The following RUNX1 variants were observed in gnomAD, a reference collection of about 807,000 sequenced individuals.
RUNX1 encodes runt-related transcription factor 1.
A neutral mutation model predicts 42.8 loss-of-function variants in RUNX1; 19 were observed. That is an observed-to-expected ratio of 0.44 (90% confidence interval 0.31 to 0.65). The LOEUF (loss-of-function observed/expected upper bound fraction) is 0.65, where lower values mean the gene tolerates loss of function less well. Ranked by LOEUF, RUNX1 falls within the 30% of genes least tolerant of loss-of-function variation. The pLI is 0.07. For missense variants in RUNX1, 528 were observed against 672.0 expected (o/e 0.79, Z 2.37); for synonymous variants, 271 against 289.4 (o/e 0.94, Z 0.64).
intron 2 of RUNX1, among the ~76,000 whole-genome samples, chr21:34,975,147 G>A (rs994372980): frequency 6.6e-6 from 1 of 152,248 alleles, no homozygotes; most frequent in African/African-American, 2.4e-5. Flanking sequence ...CAGCTAGTAA[G>A]TGGTGGAGGA....
chr21:34,952,977 T>C (rs1178505991), intron 2 of RUNX1, among the ~76,000 whole-genome samples: 1 of 152,230 alleles, frequency 6.6e-6, no homozygotes, highest in Non-Finnish European at 1.5e-5. Flanking sequence ...GTGGCCTTCC[T>C]GCCATCACCC....
chr21:34,848,623 C>T (rs62211772), intron 6 of RUNX1, among the ~76,000 whole-genome samples: 6 of 152,070 alleles, frequency 3.9e-5, no homozygotes, highest in African/African-American at 1.2e-4. Context: ...TTAGTAGAGA[C>T]GGGGTTTCAC....
chr21:34,874,366 T>C (rs2057782973), intron 5 of RUNX1, among the ~76,000 whole-genome samples: 1 of 150,864 alleles, frequency 6.6e-6, no homozygotes, highest in Non-Finnish European at 1.5e-5. Flanking sequence ...TCCCAGCACT[T>C]TGGGAGGCCA....
At position 34,867,821 on chromosome 21, in the gene RUNX1, G is replaced by A. The variant is rs1012661133; in HGVS notation, c.509-8243C>T. On this transcript the variant is annotated intron_variant, in intron 5 of 8. Coordinates refer to ENST00000675419, the MANE Select transcript of RUNX1 (RefSeq NM_001754.5). ...CCCCCTGGAGACCAAGGCCACACCT[G>A]CTGCCCTGTGCTTCCCCCAAGGACA... Among the ~76,000 whole-genome samples, 10 of 152,116 alleles carry A rather than the reference G, an allele frequency of 6.6e-5. No individual in the cohort carries two copies. In the South Asian group the frequency reaches 2.1e-3, roughly 32 times the overall value.
At chr21:34,874,172 G>A (rs556533232) in intron 5 of RUNX1, among the ~76,000 whole-genome samples, 10 of 148,592 alleles carry the variant, frequency 6.7e-5, no homozygotes, top group South Asian at 4.4e-4. Flanking sequence ...ACACACACAC[G>A]CACACACACT....
At chr21:35,015,822 A>T (rs1275576852) in intron 2 of RUNX1, among the ~76,000 whole-genome samples, 2 of 152,234 alleles carry the variant, frequency 1.3e-5, no homozygotes, top group African/African-American at 4.8e-5. Flanking sequence ...TGAGATTCAG[A>T]GAGGTGGACA....
Position 34,859,619 on chromosome 21 carries a change from T to G in RUNX1, c.509-41A>C, listed in dbSNP as rs760140076. ...AGAGAACAAAACAGAATGAGGTTGG[T>G]GGCCTGAACATATCTGTTGAATAAC... is the stretch of plus-strand genomic sequence containing the variant. On this transcript the variant is annotated intron_variant, in intron 5 of 8. Transcript: ENST00000675419. 3.5e-6 allele frequency: 5 copies of G among 1,448,082 alleles called. No individual in the cohort carries two copies. In the South Asian group the frequency reaches 5.7e-5, roughly 16 times the overall value. 89.7% of individuals were successfully genotyped at this position (1,448,082 alleles called of 1,614,324 possible).
At chr21:34,982,945 AC>A (rs372329220) in intron 2 of RUNX1, among the ~76,000 whole-genome samples, 470 of 152,364 alleles carry the variant, frequency 3.1e-3, no homozygotes, top group Non-Finnish European at 5.2e-3. Flanking sequence ...AGGTGGTAGA[AC>A]CAAGATTTGA....
Position 34,892,671 on chromosome 21 carries a change from G to C in RUNX1, c.97+254C>G, listed in dbSNP as rs150929457. On this transcript the variant is annotated intron_variant, in intron 3 of 8. Coordinates refer to ENST00000675419, the MANE Select transcript of RUNX1 (RefSeq NM_001754.5). ...GAGAGTTGTATAGAGGCATTTAATA[G>C]CATCAGAATGCACCTATGGTAAACG... Among the ~76,000 whole-genome samples the C allele has an allele frequency of 4.0e-3, 606 of 152,260 alleles. 2 individuals carry two copies. The highest frequency in any genetic ancestry group is 0.012 in the African/African-American group (515 of 41,534).
At chr21:34,877,204 T>TA (rs1277050670) in intron 5 of RUNX1, among the ~76,000 whole-genome samples, 5 of 152,206 alleles carry the variant, frequency 3.3e-5, no homozygotes, top group Non-Finnish European at 7.3e-5. Context: ...GAAGCCATGA[T>TA]ACACTTTCTT....
intron 2 of RUNX1, among the ~76,000 whole-genome samples, chr21:35,005,428 C>CCCAT (rs557161246): frequency 6.6e-6 from 1 of 152,200 alleles, no homozygotes; most frequent in East Asian, 1.9e-4. Flanking sequence ...ATGGCCCCAC[C>CCCAT]CCATACCCCA....
At chr21:34,922,242 T>A (rs4816501) in intron 2 of RUNX1, among the ~76,000 whole-genome samples, 1 of 151,946 alleles carries the variant, frequency 6.6e-6, no homozygotes, top group African/African-American at 2.4e-5. Context: ...AGACAGCAGT[T>A]GTGCTTTGCC....
At chr21:35,012,725 C>T (rs1359882937) in intron 2 of RUNX1, among the ~76,000 whole-genome samples, 1 of 151,872 alleles carries the variant, frequency 6.6e-6, no homozygotes, top group Non-Finnish European at 1.5e-5. Flanking sequence ...TTCATTTACA[C>T]ATCTATACAT....
intron 2 of RUNX1, among the ~76,000 whole-genome samples, chr21:35,030,788 C>G (rs776376720): frequency 6.6e-6 from 1 of 152,184 alleles, no homozygotes; most frequent in Middle Eastern, 3.4e-3. Flanking sequence ...AAAGACAAAA[C>G]CTACAGAAAG....
At chr21:35,039,982 C>T (rs2059345580) in intron 2 of RUNX1, among the ~76,000 whole-genome samples, 1 of 152,222 alleles carries the variant, frequency 6.6e-6, no homozygotes, top group South Asian at 2.1e-4. Flanking sequence ...TTCACCCATT[C>T]ATTACATGAA....
At chr21:34,951,163 T>C (rs1054672504) in intron 2 of RUNX1, among the ~76,000 whole-genome samples, 2 of 152,194 alleles carry the variant, frequency 1.3e-5, no homozygotes, top group Admixed American at 6.5e-5. Flanking sequence ...ATAGTTCACA[T>C]GGTGACTCAG....
rs998362431 is a variant in RUNX1 at position 34,907,078 on chromosome 21, C to T, written c.59-14115G>A. The stretch of plus-strand genomic sequence containing the variant: ...TATTCATTATTCATGAGGACTTGAT[C>T]GTGTATTCAAAGTCAGCCAGGAGGG... On this transcript the variant is annotated intron_variant, in intron 2 of 8. Coordinates refer to ENST00000675419, the MANE Select transcript of RUNX1 (RefSeq NM_001754.5). The surrounding 1 kb of genome is among the most constrained non-coding windows in gnomAD (Gnocchi z 5.3). 3.9e-5 allele frequency among the ~76,000 whole-genome samples: 6 copies of T among 152,092 alleles called. No individual in the cohort carries two copies. The highest frequency in any genetic ancestry group is 4.8e-5 in the African/African-American group (2 of 41,404).
At chr21:34,917,194 A>T (rs935624720) in intron 2 of RUNX1, among the ~76,000 whole-genome samples, 3 of 152,236 alleles carry the variant, frequency 2.0e-5, no homozygotes, top group African/African-American at 7.2e-5. Context: ...ATCAGTGAAA[A>T]GAATGAGTAG....
intron 6 of RUNX1, among the ~76,000 whole-genome samples, chr21:34,835,306 G>A (rs190194487): frequency 6.6e-6 from 1 of 152,108 alleles, no homozygotes; most frequent in Non-Finnish European, 1.5e-5. Context: ...CCTGTGTCTT[G>A]TCCAATATTC....
Sources: allele counts gnomAD v4.1 joint callset (sites outside exome capture counted in the v4.1 genomes callset), GRCh38; gene constraint gnomAD v4.1.1; non-coding constraint Gnocchi (gnomAD v3.1); transcripts MANE v1.5; gene names NCBI Gene and HGNC (gene_info 2026-07-23, HGNC 2026-07-21).